FARS2: variants seen among roughly 807,000 people sequenced by gnomAD.
FARS2 encodes the protein phenylalanine--tRNA ligase, mitochondrial.
FARS2 carries 40 observed loss-of-function variants against 46.4 expected under a neutral mutation model. The observed-to-expected ratio is 0.86, with a 90% CI of 0.67 to 1.12. The LOEUF (loss-of-function observed/expected upper bound fraction) is 1.12. Ranked by LOEUF, FARS2 falls within the 50% of genes most tolerant of loss-of-function variation. The pLI is 0.00. For missense variants in FARS2, 513 were observed against 567.9 expected (o/e 0.90, Z 0.98); for synonymous variants, 234 against 214.9 (o/e 1.09, Z -0.78).
intron 6 of FARS2, among the ~76,000 whole-genome samples, chr6:5,713,149 C>T (rs1292964556): frequency 2.0e-5 from 3 of 152,186 alleles, no homozygotes; most frequent in South Asian, 2.1e-4. Flanking sequence ...AACTTTTACT[C>T]TCTTTAACTT....
chr6:5,260,590 AC>A (rs1765002092), upstream of FARS2: 5 of 1,270,476 alleles, frequency 3.9e-6, no homozygotes, highest in Non-Finnish European at 5.5e-6. Flanking sequence ...GTCAGCCCGC[AC>A]CCCCGGTCCC....
intron 1 of FARS2, among the ~76,000 whole-genome samples, chr6:5,324,590 G>A (rs535293408): frequency 6.6e-6 from 1 of 151,766 alleles, no homozygotes; most frequent in East Asian, 2.0e-4. Flanking sequence ...TTTGGAAAAT[G>A]TCAGTGAAGA....
intron 5 of FARS2, among the ~76,000 whole-genome samples, chr6:5,555,340 A>ATTT (rs1246932144): frequency 1.3e-5 from 2 of 152,078 alleles, no homozygotes; most frequent in African/African-American, 4.8e-5. Context: ...ACAGTGTGTA[A>ATTT]CACTGGTGCA....
At chr6:5,338,721 C>A (rs1171556762) in intron 1 of FARS2, among the ~76,000 whole-genome samples, 4 of 152,076 alleles carry the variant, frequency 2.6e-5, no homozygotes, top group African/African-American at 9.7e-5. Context: ...GTATGTGAGA[C>A]GTGTTTACAG....
At chr6:5,268,080 G>A (rs1304968326) in intron 1 of FARS2, among the ~76,000 whole-genome samples, 32 of 148,218 alleles carry the variant, frequency 2.2e-4, no homozygotes, top group Admixed American at 4.0e-4. Context: ...ATTTGTTTAA[G>A]TTCTTTGTAG....
chr6:5,341,257 T>TTTTTTTTTTTTTTTTC (rs552538194), intron 1 of FARS2, among the ~76,000 whole-genome samples: 1 of 56,698 alleles, frequency 1.8e-5, no homozygotes, highest in Non-Finnish European at 3.3e-5. Context: ...TTTTTTTTTT[T>TTTTTTTTTTTTTTTTC]CCCTGTGAGA....
chr6:5,675,901 T>C lies in FARS2; in HGVS notation c.1217+62581T>C, dbSNP rs533231035. Among the ~76,000 whole-genome samples the C allele has an allele frequency of 2.0e-5, 3 of 152,334 alleles. No individual in the cohort carries two copies. In the South Asian group the frequency reaches 6.2e-4, roughly 32 times the overall value. Reference sequence around the variant, plus strand: ...TTTTCCTAATCACCTTTCCTACATATTGAACAACGTCTCGGTCATAATCAT... The same window carrying C: ...TTTTCCTAATCACCTTTCCTACATACTGAACAACGTCTCGGTCATAATCAT... On this transcript the variant is annotated intron_variant, in intron 6 of 6. Coordinates refer to ENST00000274680, the MANE Select transcript of FARS2 (RefSeq NM_006567.5).
the FARS2 span, among the ~76,000 whole-genome samples, chr6:5,253,833 CA>C: frequency 0.52 from 72,141 of 137,422 alleles, 17,919 homozygotes; most frequent in South Asian, 0.65. Context: ...TCATGCTGAG[CA>C]AAAAAAAAAA....
intron 1 of FARS2, among the ~76,000 whole-genome samples, chr6:5,287,833 T>G (rs1767232133): frequency 6.6e-6 from 1 of 152,180 alleles, no homozygotes; most frequent in Non-Finnish European, 1.5e-5. Context: ...CTCCAGTTGT[T>G]TTTTTCAAGA....
chr6:5,715,033 A>T (rs1442885001), intron 6 of FARS2, among the ~76,000 whole-genome samples: 1 of 152,178 alleles, frequency 6.6e-6, no homozygotes, highest in Non-Finnish European at 1.5e-5. Flanking sequence ...TCAAAAATAA[A>T]AAATAAAAAC....
At chr6:5,446,157 C>T (rs1764175750) in intron 4 of FARS2, among the ~76,000 whole-genome samples, 1 of 150,540 alleles carries the variant, frequency 6.6e-6, no homozygotes, top group African/African-American at 2.5e-5. Flanking sequence ...GAGCTGAGAT[C>T]GTGCCACTGC....
intron 5 of FARS2, among the ~76,000 whole-genome samples, chr6:5,586,083 A>G (rs969747407): frequency 1.3e-5 from 2 of 152,122 alleles, no homozygotes; most frequent in African/African-American, 4.8e-5. Flanking sequence ...TCCTGCAACT[A>G]TACTGAATTT....
At chr6:5,331,243 A>G (rs1187346111) in intron 1 of FARS2, among the ~76,000 whole-genome samples, 1 of 152,012 alleles carries the variant, frequency 6.6e-6, no homozygotes. Context: ...TGTCTTAATC[A>G]TGGCCTTTTT....
At chr6:5,356,243 G>C (rs1757920265) in intron 1 of FARS2, among the ~76,000 whole-genome samples, 1 of 152,214 alleles carries the variant, frequency 6.6e-6, no homozygotes, top group Non-Finnish European at 1.5e-5. Context: ...GAGGCCAGGA[G>C]TTCGAGACCA....
intron 6 of FARS2, among the ~76,000 whole-genome samples, chr6:5,696,272 A>G (rs532578666): frequency 6.6e-6 from 1 of 152,384 alleles, no homozygotes; most frequent in African/African-American, 2.4e-5. Flanking sequence ...TAGAAGACTG[A>G]TTAAATAAAT....
At chr6:5,377,408 T>A (rs901776241) in intron 2 of FARS2, among the ~76,000 whole-genome samples, 16 of 152,220 alleles carry the variant, frequency 1.1e-4, no homozygotes, top group African/African-American at 3.1e-4. Flanking sequence ...TTTGATAACA[T>A]CCTCTGGGTC....
intron 1 of FARS2, among the ~76,000 whole-genome samples, chr6:5,359,343 G>T (rs1478871347): frequency 6.6e-6 from 1 of 152,096 alleles, no homozygotes; most frequent in African/African-American, 2.4e-5. Flanking sequence ...TCCCGGCCAA[G>T]ATATCTCTTC....
intron 4 of FARS2, among the ~76,000 whole-genome samples, chr6:5,526,967 A>G (rs1380666555): frequency 2.6e-5 from 4 of 152,222 alleles, no homozygotes; most frequent in Admixed American, 2.6e-4. Context: ...GTACCATAAT[A>G]CTTCAAGAAT....
chr6:5,527,174 G>A lies in FARS2; in HGVS notation c.905-18006G>A, dbSNP rs182184878. On this transcript the variant is annotated intron_variant, in intron 4 of 6. Transcript: ENST00000274680. Reference sequence around the variant, plus strand: ...TATTCTCACCAGTCAGCAATGTGCTGGGCCAGTGCTTCTCCCAAGCTGGAA... The same window carrying A: ...TATTCTCACCAGTCAGCAATGTGCTAGGCCAGTGCTTCTCCCAAGCTGGAA... 3.3e-3 allele frequency among the ~76,000 whole-genome samples: 509 copies of A among 152,282 alleles called. 5 individuals carry two copies. The highest frequency in any genetic ancestry group is 1.4e-3 in the Non-Finnish European group (92 of 68,028).
Sources: allele counts gnomAD v4.1 joint callset (sites outside exome capture counted in the v4.1 genomes callset), GRCh38; gene constraint gnomAD v4.1.1; transcripts MANE v1.5; gene names NCBI Gene and HGNC (gene_info 2026-07-23, HGNC 2026-07-21).